The following KIF26A variants were observed in gnomAD, a reference collection of about 807,000 sequenced individuals.
KIF26A encodes kinesin-like protein KIF26A.
Under a neutral mutation model 126.0 loss-of-function variants are expected in KIF26A, and 74 were observed. That is an observed-to-expected ratio of 0.59 (90% CI 0.49 to 0.71). The LOEUF (loss-of-function observed/expected upper bound fraction) is 0.71. Ranked by LOEUF, KIF26A falls within the 30% of genes least tolerant of loss-of-function variation. KIF26A has a pLI of 0.00. For synonymous variants in KIF26A, 1,445 were observed against 1,232.7 expected (o/e 1.17, Z -3.61); for missense variants, 2,984 against 2,763.3 (o/e 1.08, Z -1.79).
At chr14:104,145,837 C>T (rs1203191755) in intron 2 of KIF26A, among the ~76,000 whole-genome samples, 5 of 152,202 alleles carry the variant, frequency 3.3e-5, no homozygotes, top group African/African-American at 1.2e-4. Context: ...GCTGAAAGGC[C>T]CCTCCTGCTC....
Position 104,139,213 on chromosome 14 carries a change from C to T in KIF26A, c.213C>T (p.Arg71=), listed in dbSNP as rs755528627. The T allele has an allele frequency of 3.0e-5, 46 of 1,554,028 alleles. No individual in the cohort carries two copies. In the East Asian group the frequency reaches 7.3e-4, roughly 25 times the overall value. ...GHSAGGGGWC[R]HCHTKLVELK... Reference sequence around the variant, plus strand: ...CGGCCGGCGGAGGCGGCTGGTGCCGCCACTGCCACACGAAGCTGGTGGAGC... The same window carrying T: ...CGGCCGGCGGAGGCGGCTGGTGCCGTCACTGCCACACGAAGCTGGTGGAGC... The change falls in exon 2 of 15, where the codon CGC becomes CGT. Residue 71 remains arginine (R), a synonymous_variant. Transcript: ENST00000423312.
intron 5 of KIF26A, among the ~76,000 whole-genome samples, chr14:104,167,719 A>G (rs2037920236): frequency 1.3e-5 from 2 of 152,074 alleles, no homozygotes; most frequent in South Asian, 4.1e-4. Flanking sequence ...CCATTGAGTC[A>G]GGTGGGCTCT....
Position 104,173,528 on chromosome 14 carries a change from C to T in KIF26A, c.1867+15C>T, listed in dbSNP as rs183451463. 6.8e-5 allele frequency: 105 copies of T among 1,538,070 alleles called. No homozygotes were observed. Among genetic ancestry groups the T allele is most frequent in the Middle Eastern group, 3.5e-4 (2 of 5,676 alleles). Reference sequence around the variant, plus strand: ...CCGGGGAGGAAGTAGGTGCCACACCCGCACTCCCGGGCCCCTGTGGGATGC... The same window carrying T: ...CCGGGGAGGAAGTAGGTGCCACACCTGCACTCCCGGGCCCCTGTGGGATGC... On this transcript the variant is annotated intron_variant, in intron 9 of 14. Transcript: ENST00000423312.
In KIF26A at chr14:104,151,922, C is replaced by A. The variant is rs557311264; in HGVS notation, c.289-93C>A. On this transcript the variant is annotated intron_variant, in intron 2 of 14. Coordinates refer to ENST00000423312, the MANE Select transcript of KIF26A (RefSeq NM_015656.2). The surrounding 1 kb of genome is among the most constrained non-coding windows in gnomAD (Gnocchi z 4.9). Reference sequence around the variant, plus strand: ...GGTGCGGTGGCCAGGCGGGAGCTCGCAGCGTCATGGACGGTGAGAGTGCTG... The same window carrying A: ...GGTGCGGTGGCCAGGCGGGAGCTCGAAGCGTCATGGACGGTGAGAGTGCTG... The A allele has an allele frequency of 2.8e-5, 31 of 1,125,882 alleles. No individual in the cohort carries two copies. In the African/African-American group the frequency reaches 3.1e-4, roughly 11 times the overall value. 69.7% of individuals were successfully genotyped at this position (1,125,882 alleles called of 1,614,324 possible).
In KIF26A at chr14:104,173,168, G is replaced by A; in HGVS notation, c.1612G>A (p.Ala538Thr). The change falls in exon 8 of 15, where the codon GCC (alanine) becomes ACC (threonine). Residue 538 changes from alanine to threonine, a missense_variant. Ala to Thr is a moderately conservative substitution (Grantham distance 58). Transcript: ENST00000423312. Reference protein sequence around the residue: ...QSLRDLLAEVAPGSLQDTQSP... With the variant: ...QSLRDLLAEVTPGSLQDTQSP... The stretch of plus-strand genomic sequence containing the variant: ...CCTGCGGGACCTGCTGGCCGAGGTG[G>A]CCCCTGGCAGCCTCCAGGACACCCA... 1 of 1,611,458 alleles carries A rather than the reference G, an allele frequency of 6.2e-7. No homozygotes were observed. Among genetic ancestry groups the A allele is most frequent in the Non-Finnish European group, 8.5e-7 (1 of 1,179,398 alleles).
chr14:104,167,901 C>T (rs914069190), intron 5 of KIF26A, among the ~76,000 whole-genome samples: 3 of 152,214 alleles, frequency 2.0e-5, no homozygotes, highest in Non-Finnish European at 4.4e-5. Context: ...GGCCATCAGG[C>T]TCCGTGCCCC....
At chr14:104,161,011 C>T (rs1465376328) in intron 4 of KIF26A, among the ~76,000 whole-genome samples, 4 of 143,824 alleles carry the variant, frequency 2.8e-5, no homozygotes, top group South Asian at 2.3e-4. Flanking sequence ...AGAAGTGCAG[C>T]GCCTGCGGGG....
intron 4 of KIF26A, among the ~76,000 whole-genome samples, chr14:104,161,093 C>T (rs2037828736): frequency 6.6e-6 from 1 of 152,242 alleles, no homozygotes; most frequent in Admixed American, 6.5e-5. Context: ...CCCCACCTGT[C>T]TTCTGGCCTG....
chr14:104,157,684 A>G, intron 3 of KIF26A, 71 bp from the exon 4 acceptor site: 1 of 1,501,954 alleles, frequency 6.7e-7, no homozygotes, highest in Non-Finnish European at 9.0e-7. Context: ...TGTCTCTCCC[A>G]CTCCGGGTGC....
rs545980988 is a variant in KIF26A at position 104,177,466 on chromosome 14, C to T, written c.4678C>T (p.Leu1560Phe). The T allele has an allele frequency of 3.5e-5, 53 of 1,531,884 alleles. 1 individual carries two copies. The South Asian group carries it at 5.5e-4, about 16-fold the overall frequency. The allele number at this position is 1,531,884 out of a possible 1,614,324, so 94.9% of individuals were successfully genotyped here. Residue 1560 changes from leucine (L) to phenylalanine (F), a missense_variant, in exon 12 of 15, where the codon CTC becomes TTC. By Grantham distance (22) the Leu-to-Phe change is conservative. Transcript: ENST00000423312. ...RGTVMGTKQA[L>F]RAAHSRVHEL... is the part of the protein sequence containing the mutation. Reference sequence around the variant, plus strand: ...TACCGTCATGGGCACAAAGCAGGCGCTCCGGGCTGCTCACAGCCGCGTCCA... The same window carrying T: ...TACCGTCATGGGCACAAAGCAGGCGTTCCGGGCTGCTCACAGCCGCGTCCA...
At chr14:104,150,118 C>A (rs56685852) in intron 2 of KIF26A, among the ~76,000 whole-genome samples, 2 of 143,926 alleles carry the variant, frequency 1.4e-5, no homozygotes, top group Admixed American at 1.4e-4. Flanking sequence ...GGCCCTCCCC[C>A]TCCTGGTCCC....
chr14:104,146,040 G>A (rs529852311), intron 2 of KIF26A, among the ~76,000 whole-genome samples: 8 of 152,340 alleles, frequency 5.3e-5, no homozygotes, highest in Admixed American at 6.5e-5. Flanking sequence ...GCAAGGGTGC[G>A]TCTCTGGGCC....
Position 104,148,672 on chromosome 14 carries a change from G to C in KIF26A, c.289-3343G>C, listed in dbSNP as rs2037701267. Among the ~76,000 whole-genome samples, 1 of 150,116 alleles carries C rather than the reference G, an allele frequency of 6.7e-6. No individual in the cohort carries two copies. The highest frequency in any genetic ancestry group is 2.0e-4 in the East Asian group (1 of 5,024). On this transcript the variant is annotated intron_variant, in intron 2 of 14. Transcript: ENST00000423312. The surrounding 1 kb of genome is among the most constrained non-coding windows in gnomAD (Gnocchi z 4.3). ...GCTGTGCGTGGCCGGGGAGGGGGAG[G>C]GGGAGGGGAGGGGCAGGGCTGCAGG...
At chr14:104,167,190 CTGAG>C in intron 5 of KIF26A, 142 bp downstream of exon 5, 1 of 915,844 alleles carries the variant, frequency 1.1e-6, no homozygotes. Flanking sequence ...CATGGGGAGA[CTGAG>C]GCCCAGGTGG....
chr14:104,172,439 G>C, intron 6 of KIF26A, 136 bp from the exon 7 acceptor site: 1 of 625,436 alleles, frequency 1.6e-6, no homozygotes, highest in South Asian at 1.9e-5. Context: ...CATGGGATCT[G>C]TCCTTGGTCC....
rs748453046 is a variant in KIF26A at position 104,167,043 on chromosome 14, G to A, written c.1108G>A (p.Gly370Arg). Residue 370 changes from glycine to arginine, a missense_variant, in exon 5 of 15, where the codon GGG becomes AGG. Transcript: ENST00000423312. ...GACCAAGGACAACCCTGGCAGCATC[G>A]GGAAGGTAGACGCAGCCCCGAGTTC... is the stretch of plus-strand genomic sequence containing the variant. ...SKTKDNPGSI[G>R]KVKVMLRIWP... 7.3e-5 allele frequency: 113 copies of A among 1,554,416 alleles called. No individual in the cohort carries two copies. Among genetic ancestry groups the A allele is most frequent in the Middle Eastern group, 3.5e-4 (2 of 5,680 alleles).
intron 14 of KIF26A, 79 bp downstream of exon 14, chr14:104,179,465 GC>G: frequency 7.0e-7 from 1 of 1,437,784 alleles, no homozygotes. Flanking sequence ...GAGCCCTGTT[GC>G]TCTCCTGTAC....
At chr14:104,179,416 C>CG in intron 14 of KIF26A, 30 bp downstream of exon 14, 4 of 1,470,120 alleles carry the variant, frequency 2.7e-6, no homozygotes, top group Non-Finnish European at 3.6e-6. Context: ...GGACCCAGCC[C>CG]GGCCCACCGT....
rs529066014 is a variant in KIF26A at position 104,158,980 on chromosome 14, G to A, written c.923+1038G>A. ...AGCTTGAACATGCATCACACCCAGC[G>A]GCCAGAGACGAGGGCGTCTTATCAG... is the stretch of plus-strand genomic sequence containing the variant. On this transcript the variant is annotated intron_variant, in intron 4 of 14. Coordinates refer to ENST00000423312, the MANE Select transcript of KIF26A (RefSeq NM_015656.2). Among the ~76,000 whole-genome samples the A allele has an allele frequency of 3.4e-4, 52 of 152,352 alleles. 1 individual carries two copies. The highest frequency in any genetic ancestry group is 2.6e-3 in the Admixed American group (40 of 15,308).
Sources: gnomAD v4.1 joint callset for allele counts (sites outside exome capture counted in the v4.1 genomes callset) on GRCh38, gnomAD v4.1.1 for gene constraint, Gnocchi (gnomAD v3.1) non-coding constraint, MANE v1.5 for transcripts, NCBI Gene and HGNC (gene_info 2026-07-23, HGNC 2026-07-21) for gene names.